The following ITGB6 variants were observed in gnomAD, a reference collection of about 807,000 sequenced individuals.
The protein encoded by ITGB6 is integrin beta-6.
A neutral mutation model predicts 84.5 loss-of-function variants in ITGB6; 80 were observed. That is an observed-to-expected ratio of 0.95 (90% confidence interval 0.79 to 1.14). The LOEUF is 1.14. Among genes scored for constraint, ITGB6 ranks in the 50% most tolerant of loss-of-function variants. ITGB6 has a pLI of 0.00. For missense variants in ITGB6, 1,006 were observed against 968.0 expected (o/e 1.04, Z -0.52); for synonymous variants, 383 against 354.9 (o/e 1.08, Z -0.89).
intron 14 of ITGB6, among the ~76,000 whole-genome samples, chr2:160,106,646 T>C (rs1042768882): frequency 6.6e-6 from 1 of 152,204 alleles, no homozygotes; most frequent in Admixed American, 6.5e-5. Flanking sequence ...GCATTTTTAA[T>C]GGGAAGATAA....
chr2:160,137,642 G>T lies in ITGB6; in HGVS notation c.1452C>A (p.Gly484=). The change falls in exon 10 of 15, where the codon GGC becomes GGA. Residue 484 remains glycine (G), a synonymous_variant. Coordinates refer to ENST00000283249, the MANE Select transcript of ITGB6 (RefSeq NM_000888.5). ...CACACTCACAGCGAGGCCCCATGTG[G>T]CCAGGGTGGCAGGCACACACCCCAC... The part of the protein sequence containing the change: ...FQCGVCACHP[G]HMGPRCECGE... 2 of 1,614,196 alleles carry T rather than the reference G, an allele frequency of 1.2e-6. No homozygotes were observed. The highest frequency in any genetic ancestry group is 1.7e-6 in the Non-Finnish European group (2 of 1,180,038).
chr2:160,137,991 C>T, intron 9 of ITGB6, 74 bp downstream of exon 9: 1 of 1,534,464 alleles, frequency 6.5e-7, no homozygotes, highest in Non-Finnish European at 8.8e-7. Context: ...GAAAGAAATC[C>T]AGCTTCAGTG....
intron 7 of ITGB6, among the ~76,000 whole-genome samples, chr2:160,145,998 T>C (rs1309042285): frequency 6.6e-6 from 1 of 152,110 alleles, no homozygotes; most frequent in East Asian, 1.9e-4. Context: ...GGACAGTAAC[T>C]CTACTGGGCC....
At chr2:160,115,923 T>C (rs2105785534) in intron 12 of ITGB6, among the ~76,000 whole-genome samples, 1 of 149,714 alleles carries the variant, frequency 6.7e-6, no homozygotes, top group African/African-American at 2.5e-5. Context: ...TGATGGAAGA[T>C]GAAATGAATG....
chr2:160,192,104 T>C (rs1165338566), intron 4 of ITGB6, among the ~76,000 whole-genome samples: 1 of 152,158 alleles, frequency 6.6e-6, no homozygotes, highest in Non-Finnish European at 1.5e-5. Flanking sequence ...TCTCAGCATA[T>C]TTTTTGAAGA....
intron 14 of ITGB6, among the ~76,000 whole-genome samples, chr2:160,103,036 G>A (rs1432234331): frequency 6.6e-6 from 1 of 151,982 alleles, no homozygotes; most frequent in Non-Finnish European, 1.5e-5. Flanking sequence ...TTCCCCCAGG[G>A]CTTTGGTACA....
intron 7 of ITGB6, among the ~76,000 whole-genome samples, chr2:160,142,418 A>G (rs1029490727): frequency 6.6e-6 from 1 of 152,222 alleles, no homozygotes; most frequent in African/African-American, 2.4e-5. Context: ...AAATGTTCTC[A>G]GCACACACCC....
chr2:160,114,252 G>C (rs1414448225), intron 12 of ITGB6, among the ~76,000 whole-genome samples: 1 of 152,134 alleles, frequency 6.6e-6, no homozygotes, highest in Non-Finnish European at 1.5e-5. Flanking sequence ...GTTTCATGGT[G>C]TTTGGGTATT....
chr2:160,120,723 A>C (rs1682995460), intron 12 of ITGB6, among the ~76,000 whole-genome samples: 1 of 88,398 alleles, frequency 1.1e-5, no homozygotes, highest in Non-Finnish European at 2.4e-5. Flanking sequence ...ATGGAATACT[A>C]TGCAGCCGTA....
intron 6 of ITGB6, among the ~76,000 whole-genome samples, chr2:160,171,365 C>T (rs1056636523): frequency 5.6e-5 from 8 of 141,744 alleles, no homozygotes; most frequent in African/African-American, 1.3e-4. Flanking sequence ...GACGGAGTCT[C>T]GCTCTGTCGC....
rs546972685 is a variant in ITGB6 at position 160,126,601 on chromosome 2, C to T, written c.1661G>A (p.Gly554Asp). 10 of 1,612,062 alleles carry T rather than the reference C, an allele frequency of 6.2e-6. No homozygotes were observed. Among genetic ancestry groups the T allele is most frequent in the Admixed American group, 5.0e-5 (3 of 60,004 alleles). Residue 554 changes from glycine (G) to aspartate (D), a missense_variant and splice_region_variant, in exon 11 of 15, where the codon GGT becomes GAT. Transcript: ENST00000283249. ...CVRHKGLLCGGNGDCDCGECV... is the reference protein window; with the variant it reads ...CVRHKGLLCGDNGDCDCGECV... ...TTCACCACAGTCACAGTCGCCGTTA[C>T]CTGTAACACAAAATGCTCTATGCTT...
At chr2:160,167,635 C>T (rs970286472) in intron 7 of ITGB6, among the ~76,000 whole-genome samples, 1 of 152,188 alleles carries the variant, frequency 6.6e-6, no homozygotes, top group Non-Finnish European at 1.5e-5. Context: ...ATGATCATTT[C>T]CCTTGCAACG....
chr2:160,142,242 T>C (rs1684027571), intron 7 of ITGB6, among the ~76,000 whole-genome samples, 171 bp from the exon 8 acceptor site: 1 of 152,204 alleles, frequency 6.6e-6, no homozygotes, highest in Admixed American at 6.5e-5. Flanking sequence ...TTGTGCTGCT[T>C]CCTGTGCTCA....
chr2:160,156,560 CA>C lies in ITGB6; in HGVS notation c.1017+12651del, dbSNP rs537740743. Among the ~76,000 whole-genome samples, 22 of 152,136 alleles carry C rather than the reference CA, an allele frequency of 1.4e-4. No individual in the cohort carries two copies. In the South Asian group the frequency reaches 4.6e-3, roughly 32 times the overall value. On this transcript the variant is annotated intron_variant, in intron 7 of 14. Coordinates refer to ENST00000283249, the MANE Select transcript of ITGB6 (RefSeq NM_000888.5). ...GGGCTCAGGGAACCCTCAGTTCAGA[CA>C]AAGCTAAAGGTACCCAAAACCTGCC...
At chr2:160,182,431 A>T (rs1360748151) in intron 4 of ITGB6, among the ~76,000 whole-genome samples, 1 of 152,222 alleles carries the variant, frequency 6.6e-6, no homozygotes, top group South Asian at 2.1e-4. Flanking sequence ...AAGCATGAAG[A>T]CAAGATTAGA....
At chr2:160,158,532 AT>A (rs1407396969) in intron 7 of ITGB6, among the ~76,000 whole-genome samples, 5 of 152,328 alleles carry the variant, frequency 3.3e-5, no homozygotes, top group African/African-American at 9.6e-5. Context: ...TTGGAGAGGA[AT>A]TGCAGACCTT....
rs187444292 is a variant in ITGB6, at chr2:160,181,496, T to G, written c.594-7357A>C. ...AAAGGCAGTAGCCCCAGTCAGGGGCTTTTAGATGAAACTCCCATCTCCCTG... is the reference window on the plus strand; with the variant it reads ...AAAGGCAGTAGCCCCAGTCAGGGGCGTTTAGATGAAACTCCCATCTCCCTG... On this transcript the variant is annotated intron_variant, in intron 4 of 14. Transcript: ENST00000283249. Among the ~76,000 whole-genome samples the G allele has an allele frequency of 5.1e-3, 776 of 152,280 alleles. 7 individuals are homozygous for G. The highest frequency in any genetic ancestry group is 0.017 in the African/African-American group (726 of 41,562).
chr2:160,127,830 T>C (rs1489646846), intron 10 of ITGB6, among the ~76,000 whole-genome samples: 1 of 152,250 alleles, frequency 6.6e-6, no homozygotes, highest in African/African-American at 2.4e-5. Flanking sequence ...AGATGCCATA[T>C]GATAATGATG....
At chr2:160,110,101 T>G (rs1246866030) in intron 13 of ITGB6, among the ~76,000 whole-genome samples, 1 of 152,190 alleles carries the variant, frequency 6.6e-6, no homozygotes, top group African/African-American at 2.4e-5. Flanking sequence ...CTTTTTGTGA[T>G]TCAGATAGTT....
Sources: allele counts gnomAD v4.1 joint callset (sites outside exome capture counted in the v4.1 genomes callset), GRCh38; gene constraint gnomAD v4.1.1; transcripts MANE v1.5; gene names NCBI Gene and HGNC (gene_info 2026-07-23, HGNC 2026-07-21).